DPP3: variants seen among roughly 807,000 people sequenced by gnomAD.
DPP3 encodes dipeptidyl peptidase 3, also known as DPP III.
A neutral mutation model predicts 89.8 loss-of-function variants in DPP3; 64 were observed. The observed-to-expected ratio is 0.71, with a 90% CI of 0.58 to 0.88. The LOEUF (loss-of-function observed/expected upper bound fraction) is 0.88. Among genes scored for constraint, DPP3 ranks in the 40% least tolerant of loss-of-function variants. The pLI, the probability that DPP3 is intolerant of heterozygous loss-of-function variation, is 0.00. For missense variants in DPP3, 835 were observed against 972.5 expected (o/e 0.86, Z 1.88); for synonymous variants, 377 against 404.3 (o/e 0.93, Z 0.81).
intron 12 of DPP3, among the ~76,000 whole-genome samples, chr11:66,494,555 G>A (rs1021535136): frequency 1.1e-4 from 16 of 152,212 alleles, no homozygotes; most frequent in South Asian, 2.1e-4. Flanking sequence ...GGGCTGTTGT[G>A]AGGAGTAAAG....
At chr11:66,496,273 AGTCTCGCTCT>A (rs1399900335) in intron 15 of DPP3, among the ~76,000 whole-genome samples, 1 of 152,184 alleles carries the variant, frequency 6.6e-6, no homozygotes, top group Admixed American at 6.5e-5. Context: ...TTTGAGACAA[AGTCTCGCTCT>A]GTCACCAGGC....
intron 12 of DPP3, among the ~76,000 whole-genome samples, chr11:66,494,217 A>T (rs756535540): frequency 5.9e-5 from 9 of 152,124 alleles, no homozygotes; most frequent in Non-Finnish European, 1.3e-4. Flanking sequence ...GGAAACACAG[A>T]CAGTCATTTA....
chr11:66,505,809 TAAA>T (rs775818602), intron 17 of DPP3, among the ~76,000 whole-genome samples: 3 of 88,080 alleles, frequency 3.4e-5, no homozygotes, highest in East Asian at 6.0e-4. Context: ...CTCAACTCTT[TAAA>T]AAAAAAAAAA....
chr11:66,483,758 C>T (rs1855149731), intron 2 of DPP3, among the ~76,000 whole-genome samples: 1 of 152,116 alleles, frequency 6.6e-6, no homozygotes, highest in Non-Finnish European at 1.5e-5. Context: ...ATTATATTCC[C>T]ACCAAGAATG....
intron 1 of DPP3, chr11:66,480,705 G>T (rs1421650866): frequency 4.7e-6 from 2 of 422,690 alleles, no homozygotes; most frequent in South Asian, 6.2e-5. Context: ...CGAGGAGGCT[G>T]GACACTCTGT....
At chr11:66,496,267 A>T (rs1376666255) in intron 15 of DPP3, among the ~76,000 whole-genome samples, 1 of 152,126 alleles carries the variant, frequency 6.6e-6, no homozygotes, top group African/African-American at 2.4e-5. Flanking sequence ...TGTTTTTTTG[A>T]GACAAAGTCT....
chr11:66,506,575 C>G (rs972565619), intron 17 of DPP3, among the ~76,000 whole-genome samples: 2 of 151,964 alleles, frequency 1.3e-5, no homozygotes, highest in African/African-American at 4.8e-5. Context: ...TTTATTAAGA[C>G]GCTCATTCTA....
rs901573562 is a variant in DPP3 at position 66,504,703 on chromosome 11, C to A, written c.1970C>A (p.Thr657Asn). The A allele has an allele frequency of 6.2e-7, 1 of 1,613,384 alleles. No homozygotes were observed. The highest frequency in any genetic ancestry group is 1.3e-5 in the African/African-American group (1 of 74,992). The change falls in exon 17 of 18, where the codon ACC (threonine) becomes AAC (asparagine). Residue 657 changes from threonine (T) to asparagine (N), a missense_variant. Transcript: ENST00000531863. ...VTDAPPECFL[T>N]LRDTVLLRKE... ...GATGCGCCCCCCGAGTGCTTCCTCACCCTCAGGGACACGGTGCTGCTGCGT... is the reference window on the plus strand; with the variant it reads ...GATGCGCCCCCCGAGTGCTTCCTCAACCTCAGGGACACGGTGCTGCTGCGT...
intron 6 of DPP3, among the ~76,000 whole-genome samples, chr11:66,488,526 C>T (rs562046134): frequency 6.7e-6 from 1 of 149,820 alleles, no homozygotes; most frequent in African/African-American, 2.5e-5. Flanking sequence ...CTTACCACTG[C>T]ACTCCAACCT....
At chr11:66,484,085 C>G (rs189084697) in intron 2 of DPP3, among the ~76,000 whole-genome samples, 1 of 152,096 alleles carries the variant, frequency 6.6e-6, no homozygotes, top group East Asian at 1.9e-4. Flanking sequence ...TCAAGCGATT[C>G]TCCTGCCTCA....
chr11:66,504,748 T>C lies in DPP3; in HGVS notation c.2015T>C (p.Ile672Thr), dbSNP rs371234919. Residue 672 changes from isoleucine (I) to threonine (T), a missense_variant, in exon 17 of 18, where the codon ATT (isoleucine) becomes ACT (threonine). By Grantham distance (89) the Ile-to-Thr change is moderately conservative. Transcript: ENST00000531863. The part of the protein sequence containing the change: ...VLLRKESRKL[I>T]VQPNTRLEGS... ...CTGCGTAAGGAATCTCGGAAGCTCA[T>C]TGTTCAGCCCAACACTCGCCTTGAA... 6 of 1,612,236 alleles carry C rather than the reference T, an allele frequency of 3.7e-6. No homozygotes were observed. In the African/African-American group the frequency reaches 8.0e-5, roughly 22 times the overall value.
chr11:66,504,753 C>G lies in DPP3; in HGVS notation c.2020C>G (p.Gln674Glu). ...TAAGGAATCTCGGAAGCTCATTGTTCAGCCCAACACTCGCCTTGAAGGTAA... is the reference window on the plus strand; with the variant it reads ...TAAGGAATCTCGGAAGCTCATTGTTGAGCCCAACACTCGCCTTGAAGGTAA... ...LRKESRKLIV[Q>E]PNTRLEGSDV... Residue 674 changes from glutamine to glutamate, a missense_variant, in exon 17 of 18, where the codon CAG becomes GAG. Coordinates refer to ENST00000531863, the MANE Select transcript of DPP3 (RefSeq NM_130443.4). 6.2e-7 allele frequency: 1 copy of G among 1,612,146 alleles called. No homozygotes were observed. Among genetic ancestry groups the G allele is most frequent in the Non-Finnish European group, 8.5e-7 (1 of 1,179,258 alleles).
At chr11:66,498,923 G>A (rs1025142788) in intron 16 of DPP3, among the ~76,000 whole-genome samples, 2 of 152,156 alleles carry the variant, frequency 1.3e-5, no homozygotes, top group Non-Finnish European at 2.9e-5. Flanking sequence ...TGAGATGGGA[G>A]GATCACTTGA....
chr11:66,488,919 G>T (rs913511624), intron 6 of DPP3, among the ~76,000 whole-genome samples: 2 of 152,184 alleles, frequency 1.3e-5, no homozygotes, highest in African/African-American at 2.4e-5. Flanking sequence ...AGGCTAGAGT[G>T]CAGTGGTGCG....
At chr11:66,488,507 A>T in intron 6 of DPP3, among the ~76,000 whole-genome samples, 1 of 150,450 alleles carries the variant, frequency 6.6e-6, no homozygotes, top group Non-Finnish European at 1.5e-5. Flanking sequence ...GGTTGCAGTG[A>T]GCCGAGATCT....
chr11:66,492,988 T>G, intron 10 of DPP3, 78 bp downstream of exon 10: 2 of 1,603,660 alleles, frequency 1.2e-6, no homozygotes, highest in Non-Finnish European at 1.7e-6. Context: ...ACACACACCC[T>G]CCACAAACTG....
At chr11:66,485,293 G>T in intron 3 of DPP3, 31 bp downstream of exon 3, 20 of 1,531,394 alleles carry the variant, frequency 1.3e-5, no homozygotes, top group Non-Finnish European at 1.5e-5. Context: ...GGAAGGTGGG[G>T]ATGGGGGGCT....
intron 16 of DPP3, among the ~76,000 whole-genome samples, chr11:66,501,758 G>T (rs1167113751): frequency 6.8e-6 from 1 of 147,832 alleles, no homozygotes; most frequent in East Asian, 2.0e-4. Context: ...CTGGGAGGTG[G>T]AGGTTTCAGT....
intron 3 of DPP3, 97 bp downstream of exon 3, chr11:66,485,359 C>T (rs1242288297): frequency 1.6e-6 from 2 of 1,236,638 alleles, no homozygotes; most frequent in South Asian, 1.3e-5. Context: ...GTGTCAGAAG[C>T]CCTGAGCAGA....
Sources: allele counts gnomAD v4.1 joint callset (sites outside exome capture counted in the v4.1 genomes callset), GRCh38; gene constraint gnomAD v4.1.1; transcripts MANE v1.5; gene names NCBI Gene and HGNC (gene_info 2026-07-23, HGNC 2026-07-21).